DLG2: variants seen among roughly 807,000 people sequenced by gnomAD.
The protein encoded by DLG2 is disks large homolog 2.
Under a neutral mutation model 132.5 loss-of-function variants are expected in DLG2, and 45 were observed. The ratio of observed to expected loss-of-function variants is 0.34; its 90% CI spans 0.27 to 0.44. DLG2 has a LOEUF of 0.44. Among genes scored for constraint, DLG2 ranks in the 20% least tolerant of loss-of-function variants. The pLI is 1.00. For missense variants in DLG2, 1,045 were observed against 1,196.9 expected (o/e 0.87, Z 1.87); for synonymous variants, 424 against 419.6 (o/e 1.01, Z -0.13).
At chr11:85,068,933 G>C (rs1426451789) in intron 6 of DLG2, among the ~76,000 whole-genome samples, 1 of 152,122 alleles carries the variant, frequency 6.6e-6, no homozygotes, top group Non-Finnish European at 1.5e-5. Context: ...AAAACAGCAT[G>C]GTACTGGTAC....
chr11:84,061,326 C>T (rs116089545), intron 10 of DLG2, among the ~76,000 whole-genome samples: 1,993 of 152,212 alleles, frequency 0.013, 44 homozygotes, highest in African/African-American at 0.043. Flanking sequence ...ATGTAATGAA[C>T]ACCTAATAAA....
intron 6 of DLG2, among the ~76,000 whole-genome samples, chr11:84,931,311 C>T (rs988264492): frequency 1.3e-5 from 2 of 152,108 alleles, no homozygotes; most frequent in Non-Finnish European, 2.9e-5. Context: ...CCTTCTCCCA[C>T]CCTTTATTTT....
rs368699365 is a variant in DLG2 at position 84,588,569 on chromosome 11, G to C, written c.358-53838C>G. Among the ~76,000 whole-genome samples, 635 of 152,180 alleles carry C rather than the reference G, an allele frequency of 4.2e-3. 8 individuals are homozygous for C. The highest frequency in any genetic ancestry group is 5.4e-3 in the Non-Finnish European group (364 of 67,996). ...CCTTTTGTCAGAGGCATTTGAACCA[G>C]AGCAGCTCCATTTTGAATACAGGCT... On this transcript the variant is annotated intron_variant, in intron 6 of 27. Coordinates refer to ENST00000376104, the MANE Select transcript of DLG2 (RefSeq NM_001142699.3).
At chr11:83,663,858 C>T (rs1388431698) in intron 18 of DLG2, among the ~76,000 whole-genome samples, 1 of 152,168 alleles carries the variant, frequency 6.6e-6, no homozygotes, top group African/African-American at 2.4e-5. Flanking sequence ...AAATAAGAAT[C>T]CATCCATCCC....
Position 85,113,562 on chromosome 11 carries a change from A to C in DLG2, c.283-1827T>G, listed in dbSNP as rs539606940. Among the ~76,000 whole-genome samples, 2 of 152,188 alleles carry C rather than the reference A, an allele frequency of 1.3e-5. 1 individual carries two copies. Among genetic ancestry groups the C allele is most frequent in the African/African-American group, 4.8e-5 (2 of 41,556 alleles). On this transcript the variant is annotated intron_variant, in intron 5 of 27. Coordinates refer to ENST00000376104, the MANE Select transcript of DLG2 (RefSeq NM_001142699.3). ...ACAAATAAAAAAGACTAGTGATGAC[A>C]CATGTCATGTGAACATAAATTATTC...
chr11:85,129,277 G>T (rs981748817), intron 5 of DLG2, among the ~76,000 whole-genome samples: 4 of 152,268 alleles, frequency 2.6e-5, no homozygotes, highest in Admixed American at 2.6e-4. Context: ...ATACTCTGAT[G>T]ATTTCCTAGT....
chr11:83,979,983 A>AT (rs1336304216), intron 12 of DLG2, among the ~76,000 whole-genome samples: 1 of 152,196 alleles, frequency 6.6e-6, no homozygotes, highest in Non-Finnish European at 1.5e-5. Context: ...AAATAGATAC[A>AT]TTGTACATGT....
chr11:83,550,296 G>A (rs1399565440), intron 19 of DLG2, among the ~76,000 whole-genome samples: 2 of 152,116 alleles, frequency 1.3e-5, no homozygotes, highest in Admixed American at 6.6e-5. Context: ...AACTTCCAGG[G>A]GGAACAACTT....
chr11:85,456,892 T>C (rs72951995), intron 3 of DLG2, among the ~76,000 whole-genome samples: 4,303 of 152,210 alleles, frequency 0.028, 100 homozygotes, highest in East Asian at 0.096. Context: ...AGTTGTGCCA[T>C]GTGGTGATGA....
chr11:84,253,019 C>G (rs2097409211), intron 7 of DLG2, among the ~76,000 whole-genome samples: 1 of 152,030 alleles, frequency 6.6e-6, no homozygotes, highest in Non-Finnish European at 1.5e-5. Flanking sequence ...CATGTCTTTA[C>G]CAAAAACACT....
At chr11:84,595,269 T>A (rs1027134008) in intron 6 of DLG2, among the ~76,000 whole-genome samples, 1 of 152,106 alleles carries the variant, frequency 6.6e-6, no homozygotes, top group Non-Finnish European at 1.5e-5. Flanking sequence ...CATGCTGGGC[T>A]AATTTTTGTA....
chr11:84,203,469 C>T (rs2096623232), intron 8 of DLG2, among the ~76,000 whole-genome samples: 1 of 151,242 alleles, frequency 6.6e-6, no homozygotes, highest in South Asian at 2.1e-4. Flanking sequence ...GTAGTTCCAG[C>T]TACTTGGGAG....
At chr11:83,695,078 C>T (rs1407019565) in intron 18 of DLG2, among the ~76,000 whole-genome samples, 1 of 152,236 alleles carries the variant, frequency 6.6e-6, no homozygotes, top group Non-Finnish European at 1.5e-5. Flanking sequence ...TAAATACATT[C>T]TCTTTCCTTT....
At chr11:83,850,937 G>C (rs2059631704) in intron 16 of DLG2, among the ~76,000 whole-genome samples, 1 of 152,130 alleles carries the variant, frequency 6.6e-6, no homozygotes, top group Non-Finnish European at 1.5e-5. Flanking sequence ...ACTACTTTGG[G>C]AGGCCGAGGC....
chr11:84,033,910 A>T (rs1172666835), intron 11 of DLG2, among the ~76,000 whole-genome samples: 2 of 151,780 alleles, frequency 1.3e-5, no homozygotes, highest in Non-Finnish European at 2.9e-5. Flanking sequence ...AAACAAACAA[A>T]CAAACAAACA....
intron 3 of DLG2, among the ~76,000 whole-genome samples, chr11:85,405,784 A>G (rs1201530614): frequency 6.6e-6 from 1 of 151,998 alleles, no homozygotes; most frequent in Non-Finnish European, 1.5e-5. Context: ...CTATTTATAA[A>G]TCATGGTAAC....
intron 6 of DLG2, among the ~76,000 whole-genome samples, chr11:84,771,635 C>T (rs1363289999): frequency 6.6e-6 from 1 of 152,070 alleles, no homozygotes; most frequent in Admixed American, 6.5e-5. Context: ...AATAAAAATC[C>T]TAAGGGAGTT....
chr11:84,333,467 G>A (rs1279647504), intron 7 of DLG2, among the ~76,000 whole-genome samples: 2 of 152,172 alleles, frequency 1.3e-5, no homozygotes, highest in Non-Finnish European at 2.9e-5. Flanking sequence ...GCTTCTACTG[G>A]ATCAGAAAAG....
intron 3 of DLG2, among the ~76,000 whole-genome samples, chr11:85,506,938 T>C (rs1476046408): frequency 6.6e-6 from 1 of 152,232 alleles, no homozygotes; most frequent in Non-Finnish European, 1.5e-5. Flanking sequence ...TAGTTAGTTC[T>C]TCTTGTCGAA....
Sources: gnomAD v4.1 joint callset for allele counts (sites outside exome capture counted in the v4.1 genomes callset) on GRCh38, gnomAD v4.1.1 for gene constraint, MANE v1.5 for transcripts, NCBI Gene and HGNC (gene_info 2026-07-23, HGNC 2026-07-21) for gene names.